The following UBE2S variants were observed in gnomAD, a reference collection of about 807,000 sequenced individuals.
UBE2S encodes the protein ubiquitin conjugating enzyme E2 S.
UBE2S carries 3 observed loss-of-function variants against 12.3 expected under a neutral mutation model. The ratio of observed to expected loss-of-function variants is 0.24; its 90% confidence interval spans 0.11 to 0.63. UBE2S has a LOEUF of 0.63. Ranked by LOEUF, UBE2S falls within the 30% of genes least tolerant of loss-of-function variation. UBE2S has a pLI of 0.85. For synonymous variants in UBE2S, 133 were observed against 142.0 expected (o/e 0.94, Z 0.45); for missense variants, 211 against 313.9 (o/e 0.67, Z 2.48).
intron 3 of UBE2S, chr19:55,402,955 G>A: frequency 6.5e-7 from 1 of 1,533,946 alleles, no homozygotes; most frequent in Admixed American, 2.0e-5. Context: ...TGCGGGAAGG[G>A]TTGGGAGGCA....
Position 55,402,814 on chromosome 19 carries a change from G to A in UBE2S, c.343-1052C>T, listed in dbSNP as rs1212497625. ...GGAGGCGGTACATGTGGGAGGGAAG[G>A]GTTTGGGGTCTGTTTACCTTGGAGC... is the stretch of plus-strand genomic sequence containing the variant. On this transcript the variant is annotated intron_variant, in intron 3 of 3. Coordinates refer to ENST00000264552, the MANE Select transcript of UBE2S (RefSeq NM_014501.3). 27 of 725,926 alleles carry A rather than the reference G, an allele frequency of 3.7e-5. 1 individual carries two copies. Among genetic ancestry groups the A allele is most frequent in the Middle Eastern group, 3.9e-4 (1 of 2,542 alleles). The allele number at this position is 725,926 out of a possible 1,614,324, so 45.0% of individuals were successfully genotyped here. A position where few individuals can be genotyped will look rare whatever the true frequency, so the allele number is the denominator to read the frequency against.
At position 55,401,113 on chromosome 19, in the gene UBE2S, G is replaced by T. The variant is rs1305949953; in HGVS notation, c.*323C>A. ...GGGTTGTGACCGCTCTACCTCCACA[G>T]AACAAAGAGGTGGACCCAAACCTCA... On this transcript the variant is annotated 3_prime_UTR_variant, in exon 4 of 4. Coordinates refer to ENST00000264552, the MANE Select transcript of UBE2S (RefSeq NM_014501.3). 3 of 410,898 alleles carry T rather than the reference G, an allele frequency of 7.3e-6. No individual in the cohort carries two copies. The highest frequency in any genetic ancestry group is 1.3e-5 in the Non-Finnish European group (3 of 227,976). The allele number at this position is 410,898 out of a possible 1,614,324, so 25.5% of individuals were successfully genotyped here. A position where few individuals can be genotyped will look rare whatever the true frequency, so the allele number is the denominator to read the frequency against.
chr19:55,407,128 CAG>C (rs1465086118), intron 1 of UBE2S, among the ~76,000 whole-genome samples, 166 bp from the exon 2 acceptor site: 7 of 151,304 alleles, frequency 4.6e-5, no homozygotes, highest in East Asian at 2.0e-4. Context: ...TCAGCCCAGG[CAG>C]AGTTTCCAAC....
At position 55,399,927 on chromosome 19, in the gene UBE2S, C is replaced by T. The variant is rs1293147322; in HGVS notation, c.*1509G>A. On this transcript the variant is annotated 3_prime_UTR_variant, in exon 4 of 4. Coordinates refer to ENST00000264552, the MANE Select transcript of UBE2S (RefSeq NM_014501.3). ...AGTGATGTGAATTTGATCTGAAAAT[C>T]TGAAGGGTTTCTTCCCTTGTCTTTC... The T allele has an allele frequency of 6.6e-6, 1 of 152,188 alleles. No individual in the cohort carries two copies. The allele number at this position is 152,188 out of a possible 1,614,324, so 9.4% of individuals were successfully genotyped here.
At chr19:55,405,745 C>A (rs1459750448) in intron 2 of UBE2S, among the ~76,000 whole-genome samples, 1 of 152,164 alleles carries the variant, frequency 6.6e-6, no homozygotes, top group Non-Finnish European at 1.5e-5. Flanking sequence ...ATATGCCTTT[C>A]AGATCAAGGA....
chr19:55,404,582 G>T lies in UBE2S; in HGVS notation c.152-104C>A. On this transcript the variant is annotated intron_variant, in intron 2 of 3. Transcript: ENST00000264552. The surrounding 1 kb of genome is among the most constrained non-coding windows in gnomAD (Gnocchi z 4.4). The stretch of plus-strand genomic sequence containing the variant: ...CGGTCTGATTGTGATGCAGGTGGGT[G>T]CCCCGCCAACTCTGCCAACAGACTG... 9.3e-7 allele frequency: 1 copy of T among 1,071,706 alleles called. No individual in the cohort carries two copies. Among genetic ancestry groups the T allele is most frequent in the Non-Finnish European group, 1.3e-6 (1 of 752,492 alleles). The allele number at this position is 1,071,706 out of a possible 1,614,324, so 66.4% of individuals were successfully genotyped here.
At position 55,401,130 on chromosome 19, in the gene UBE2S, C is replaced by G. The variant is rs2090054236; in HGVS notation, c.*306G>C. 1 of 454,004 alleles carries G rather than the reference C, an allele frequency of 2.2e-6. No individual in the cohort carries two copies. The highest frequency in any genetic ancestry group is 2.8e-5 in the South Asian group (1 of 35,484). 28.1% of individuals were successfully genotyped at this position (454,004 alleles called of 1,614,324 possible). A position where few individuals can be genotyped will look rare whatever the true frequency, so the allele number is the denominator to read the frequency against. ...CCTCCACAGAACAAAGAGGTGGACC[C>G]AAACCTCAAACAGCAAGGCTGGTGA... On this transcript the variant is annotated 3_prime_UTR_variant, in exon 4 of 4. Transcript: ENST00000264552.
intron 3 of UBE2S, among the ~76,000 whole-genome samples, chr19:55,401,978 G>A (rs2090062974): frequency 6.6e-6 from 1 of 152,240 alleles, no homozygotes; most frequent in South Asian, 2.1e-4. Context: ...TTCCCAAAAG[G>A]ACACGATGCC....
At chr19:55,407,063 C>T (rs2090100563) in intron 1 of UBE2S, 101 bp from the exon 2 acceptor site, 13 of 1,438,976 alleles carry the variant, frequency 9.0e-6, no homozygotes, top group Non-Finnish European at 1.1e-5. Flanking sequence ...TCAGTGGCCC[C>T]AGGCTGTCAA....
chr19:55,403,051 G>A (rs1199476716), intron 3 of UBE2S: 1 of 1,419,408 alleles, frequency 7.0e-7, no homozygotes, highest in African/African-American at 1.4e-5. Context: ...CTGTGTCATG[G>A]AGCCATCTCG....
rs767327662 is a variant in UBE2S at position 55,401,600 on chromosome 19, G to A, written c.505C>T (p.Arg169Trp). ...GCTTCAGTGCCACTGGCCAGGGCCC[G>A]ACCGGCTTCGGCCCTGCCGCTGGGC... ...GGPSGRAEAG[R>W]ALASGTEASS... The change falls in exon 4 of 4, where the codon CGG becomes TGG. Residue 169 changes from arginine to tryptophan, a missense_variant. Arg to Trp is a moderately radical substitution (Grantham distance 101). This residue lies in a region of UBE2S where 84 missense variants were observed against 89.9 expected (regional missense o/e 0.93). Coordinates refer to ENST00000264552, the MANE Select transcript of UBE2S (RefSeq NM_014501.3). 14 of 1,606,540 alleles carry A rather than the reference G, an allele frequency of 8.7e-6. No individual in the cohort carries two copies. The highest frequency in any genetic ancestry group is 2.7e-5 in the African/African-American group (2 of 74,794).
chr19:55,403,098 C>T, intron 3 of UBE2S: 1 of 1,006,020 alleles, frequency 9.9e-7, no homozygotes, highest in South Asian at 1.4e-5. Context: ...TTGGCCTCCA[C>T]CCACTAGATG....
In UBE2S at chr19:55,401,103, T is replaced by C; in HGVS notation, c.*333A>G. The C allele has an allele frequency of 5.5e-6, 2 of 364,410 alleles. No homozygotes were observed. The highest frequency in any genetic ancestry group is 1.1e-4 in the East Asian group (2 of 18,212). 22.6% of individuals were successfully genotyped at this position (364,410 alleles called of 1,614,324 possible). A position where few individuals can be genotyped will look rare whatever the true frequency, so the allele number is the denominator to read the frequency against. Reference sequence around the variant, plus strand: ...CTCCAAAGAGGGGTTGTGACCGCTCTACCTCCACAGAACAAAGAGGTGGAC... The same window carrying C: ...CTCCAAAGAGGGGTTGTGACCGCTCCACCTCCACAGAACAAAGAGGTGGAC... On this transcript the variant is annotated 3_prime_UTR_variant, in exon 4 of 4. Coordinates refer to ENST00000264552, the MANE Select transcript of UBE2S (RefSeq NM_014501.3).
rs770184703 is a variant in UBE2S at position 55,404,324 on chromosome 19, G to C, written c.306C>G (p.Asp102Glu). Residue 102 changes from aspartate (D) to glutamate (E), a missense_variant, in exon 3 of 4, where the codon GAC (aspartate) becomes GAG (glutamate). Coordinates refer to ENST00000264552, the MANE Select transcript of UBE2S (RefSeq NM_014501.3). This position sits in a 1 kb window ranked among gnomAD's most constrained non-coding sequence, Gnocchi z 4.4. ...GEICVNVLKR[D>E]WTAELGIRHV... Reference sequence around the variant, plus strand: ...GTCGGATGCCCAGCTCAGCCGTCCAGTCCCTCTTGAGCACGTTGACGCAGA... The same window carrying C: ...GTCGGATGCCCAGCTCAGCCGTCCACTCCCTCTTGAGCACGTTGACGCAGA... 1 of 1,613,626 alleles carries C rather than the reference G, an allele frequency of 6.2e-7. No individual in the cohort carries two copies. Among genetic ancestry groups the C allele is most frequent in the East Asian group, 2.2e-5 (1 of 44,880 alleles).
rs2090047005 is a variant in UBE2S at position 55,400,226 on chromosome 19, TGTTGCCCAC to T, written c.*1201_*1209del. 1 of 152,260 alleles carries T rather than the reference TGTTGCCCAC, an allele frequency of 6.6e-6. No homozygotes were observed. 9.4% of individuals were successfully genotyped at this position (152,260 alleles called of 1,614,324 possible). ...TTTTTGTAGAGATGGGATCTCACTG[TGTTGCCCAC>T]GTTCGTCTTTAACTCCTGGCCTCAA... On this transcript the variant is annotated 3_prime_UTR_variant, in exon 4 of 4. Coordinates refer to ENST00000264552, the MANE Select transcript of UBE2S (RefSeq NM_014501.3).
chr19:55,405,825 G>A (rs1325671103), intron 2 of UBE2S, among the ~76,000 whole-genome samples: 1 of 152,148 alleles, frequency 6.6e-6, no homozygotes, highest in Non-Finnish European at 1.5e-5. Context: ...ACTTGCTTGG[G>A]TCAAAATACT....
At chr19:55,407,098 A>C in intron 1 of UBE2S, 136 bp from the exon 2 acceptor site, 1 of 1,065,710 alleles carries the variant, frequency 9.4e-7, no homozygotes, top group Non-Finnish European at 1.3e-6. Flanking sequence ...CCAGACCCTC[A>C]CCCAGGATGC....
In UBE2S at chr19:55,401,665, C is replaced by T. The variant is rs771995980; in HGVS notation, c.440G>A (p.Arg147Gln). 11 of 1,610,742 alleles carry T rather than the reference C, an allele frequency of 6.8e-6. No homozygotes were observed. Among genetic ancestry groups the T allele is most frequent in the South Asian group, 1.1e-5 (1 of 90,862 alleles). ...GTGGATCTCTGTGAGCAGACGGGCC[C>T]GAGCCGCATACTCCTCGTAGTTCTC... Reference protein sequence around the residue: ...LLENYEEYAARARLLTEIHGG... With the variant: ...LLENYEEYAAQARLLTEIHGG... The change falls in exon 4 of 4, where the codon CGG becomes CAG. Residue 147 changes from arginine to glutamine, a missense_variant. By Grantham distance (43) the Arg-to-Gln change is conservative. This residue lies in a region of UBE2S where 127 missense variants were observed against 224.0 expected (regional missense o/e 0.57). Transcript: ENST00000264552.
At position 55,400,596 on chromosome 19, in the gene UBE2S, G is replaced by A. The variant is rs1004958700; in HGVS notation, c.*840C>T. The A allele has an allele frequency of 7.9e-5, 12 of 152,238 alleles. No individual in the cohort carries two copies. The highest frequency in any genetic ancestry group is 2.9e-4 in the African/African-American group (12 of 41,446). 9.4% of individuals were successfully genotyped at this position (152,238 alleles called of 1,614,324 possible). On this transcript the variant is annotated 3_prime_UTR_variant, in exon 4 of 4. Transcript: ENST00000264552. ...AGGAGGGGCAGCTTCTTGGAGCTAA[G>A]ACCCTAGTTCTACGAGGACTGAAAT... is the stretch of plus-strand genomic sequence containing the variant.
Sources: gnomAD v4.1 joint callset for allele counts (sites outside exome capture counted in the v4.1 genomes callset) on GRCh38, gnomAD v4.1.1 for gene constraint, gnomAD v4.1.1 regional missense constraint, Gnocchi (gnomAD v3.1) non-coding constraint, MANE v1.5 for transcripts, NCBI Gene and HGNC (gene_info 2026-07-23, HGNC 2026-07-21) for gene names.